The following RTN4RL1 variants were observed in gnomAD, a reference collection of about 807,000 sequenced individuals.
RTN4RL1 encodes the protein reticulon 4 receptor like 1, also known as reticulon-4 receptor-like 1.
A neutral mutation model predicts 25.6 loss-of-function variants in RTN4RL1; 7 were observed. The ratio of observed to expected loss-of-function variants is 0.27; its 90% CI spans 0.16 to 0.51. The LOEUF (loss-of-function observed/expected upper bound fraction) is 0.51. Among genes scored for constraint, RTN4RL1 ranks in the 20% least tolerant of loss-of-function variants. The pLI, the probability that RTN4RL1 is intolerant of heterozygous loss-of-function variation, is 0.97. For synonymous variants in RTN4RL1, 297 were observed against 288.2 expected, an observed-to-expected ratio of 1.03 and a Z score of -0.31; for missense variants, 500 against 615.6, an observed-to-expected ratio of 0.81 and a Z score of 1.99.
At chr17:1,975,950 G>C (rs1016164935) in intron 1 of RTN4RL1, among the ~76,000 whole-genome samples, 8 of 152,286 alleles carry the variant, frequency 5.3e-5, no homozygotes, top group Admixed American at 3.9e-4. Flanking sequence ...CAAATACTTG[G>C]GAGCCGTGAG....
chr17:1,978,254 G>A (rs563482026), intron 1 of RTN4RL1, among the ~76,000 whole-genome samples: 3 of 152,292 alleles, frequency 2.0e-5, no homozygotes, highest in East Asian at 3.9e-4. Flanking sequence ...CAAGAGCCCC[G>A]ACCCGTGCAA....
In RTN4RL1 at chr17:2,025,130, C is replaced by G. The variant is rs901936347; in HGVS notation, c.-265G>C. ...CAGCCCCGGGGCGAGCGGCTTGCTC[C>G]GCGGAGCCGGCGGCCTGCTTCTGCC... On this transcript the variant is annotated 5_prime_UTR_variant, in exon 1 of 2. Transcript: ENST00000331238. This position sits in a 1 kb window ranked among gnomAD's most constrained non-coding sequence, Gnocchi z 4.8. 3 of 328,562 alleles carry G rather than the reference C, an allele frequency of 9.1e-6. No individual in the cohort carries two copies. Among genetic ancestry groups the G allele is most frequent in the Non-Finnish European group, 1.7e-5 (3 of 181,582 alleles). The allele number at this position is 328,562 out of a possible 1,614,324, so 20.4% of individuals were successfully genotyped here.
intron 1 of RTN4RL1, among the ~76,000 whole-genome samples, chr17:2,013,140 T>C (rs1258206757): frequency 6.6e-6 from 1 of 152,128 alleles, no homozygotes; most frequent in Non-Finnish European, 1.5e-5. Flanking sequence ...GGGGTCCTGA[T>C]AGGAAAGAGC....
intron 1 of RTN4RL1, among the ~76,000 whole-genome samples, chr17:1,979,879 G>T (rs888962497): frequency 2.0e-5 from 3 of 152,138 alleles, no homozygotes; most frequent in Non-Finnish European, 4.4e-5. Flanking sequence ...CTCAGACCCG[G>T]AATTGCGTGG....
rs1166018871 is a variant in RTN4RL1 at position 1,937,699 on chromosome 17, C to T, written c.123G>A (p.Gln41=). 6.2e-7 allele frequency: 1 copy of T among 1,613,264 alleles called. No homozygotes were observed. The highest frequency in any genetic ancestry group is 1.7e-5 in the Admixed American group (1 of 59,992). The change falls in exon 2 of 2, where the codon CAG becomes CAA. Residue 41 remains glutamine (Q), a synonymous_variant. Transcript: ENST00000331238. ...CYPAPMTVSC[Q]AHNFAAIPEG... ...CCGGGATGGCTGCAAAGTTGTGCGC[C>T]TGGCAGCTGACCGTCATGGGCGCCG...
chr17:1,986,279 G>A (rs751721352), intron 1 of RTN4RL1, among the ~76,000 whole-genome samples: 11 of 152,092 alleles, frequency 7.2e-5, no homozygotes, highest in Non-Finnish European at 1.5e-4. Flanking sequence ...GATGAAGTAG[G>A]TATTATTATT....
intron 1 of RTN4RL1, chr17:1,995,648 C>G (rs1443701488): frequency 1.3e-5 from 2 of 152,216 alleles, no homozygotes; most frequent in Non-Finnish European, 2.9e-5. Context: ...TGAAGAAATA[C>G]CCCTGGATCA....
At chr17:1,985,060 C>A (rs552857209) in intron 1 of RTN4RL1, among the ~76,000 whole-genome samples, 1 of 152,332 alleles carries the variant, frequency 6.6e-6, no homozygotes. Context: ...ACGCACTGCT[C>A]ATTTCATTCT....
In RTN4RL1 at chr17:1,935,958, G is replaced by A. The variant is rs2151303118; in HGVS notation, c.*538C>T. 2 of 985,778 alleles carry A rather than the reference G, an allele frequency of 2.0e-6. No homozygotes were observed. The highest frequency in any genetic ancestry group is 1.1e-4 in the East Asian group (1 of 8,792). 61.1% of individuals were successfully genotyped at this position (985,778 alleles called of 1,614,324 possible). ...AATGAGAGGCGCTACCCCCGAGGGA[G>A]GGGCTGAAGGTGGAGTAGGATAGAA... is the stretch of plus-strand genomic sequence containing the variant. On this transcript the variant is annotated 3_prime_UTR_variant, in exon 2 of 2. Transcript: ENST00000331238.
rs368074384 is a variant in RTN4RL1, at chr17:1,959,380, T to C, written c.14-21572A>G. Among the ~76,000 whole-genome samples, 6 of 152,238 alleles carry C rather than the reference T, an allele frequency of 3.9e-5. No individual in the cohort carries two copies. The East Asian group carries it at 7.7e-4, about 20-fold the overall frequency. On this transcript the variant is annotated intron_variant, in intron 1 of 1. Transcript: ENST00000331238. ...TTGGCCCTCCCCTCTGGAAACTCTT[T>C]CTTCTCTTCTCTTCAGAGACCTGGC...
At position 1,937,373 on chromosome 17, in the gene RTN4RL1, C is replaced by A. The variant is rs1296650374; in HGVS notation, c.449G>T (p.Ser150Ile). 2 of 1,613,686 alleles carry A rather than the reference C, an allele frequency of 1.2e-6. No homozygotes were observed. Among genetic ancestry groups the A allele is most frequent in the East Asian group, 4.5e-5 (2 of 44,866 alleles). Residue 150 changes from serine (S) to isoleucine (I), a missense_variant, in exon 2 of 2, where the codon AGC becomes ATC. By Grantham distance (142) the Ser-to-Ile change is moderately radical. Coordinates refer to ENST00000331238, the MANE Select transcript of RTN4RL1 (RefSeq NM_178568.4). ...GTCCTGCAGGTAGAGGTACTGCAGG[C>A]TGTGCAGGCCGCCAAAGACGCCGGC... ...LPAGVFGGLH[S>I]LQYLYLQDNH...
chr17:2,019,129 G>C (rs943834867), intron 1 of RTN4RL1: 1 of 152,088 alleles, frequency 6.6e-6, no homozygotes, highest in African/African-American at 2.4e-5. Flanking sequence ...GCCTTGGGGG[G>C]GGCCCTCACG....
Position 1,935,126 on chromosome 17 carries a change from G to A in RTN4RL1, c.*1370C>T. The A allele has an allele frequency of 6.5e-6, 1 of 152,888 alleles. No homozygotes were observed. Among genetic ancestry groups the A allele is most frequent in the Non-Finnish European group, 1.5e-5 (1 of 68,170 alleles). The allele number at this position is 152,888 out of a possible 1,614,324, so 9.5% of individuals were successfully genotyped here. On this transcript the variant is annotated 3_prime_UTR_variant, in exon 2 of 2. Transcript: ENST00000331238. Reference sequence around the variant, plus strand: ...AAAAATTCAGCAGCTGAGCCGTGCGGGAGGCCTGGGCTCAAGCCCGGAGTC... The same window carrying A: ...AAAAATTCAGCAGCTGAGCCGTGCGAGAGGCCTGGGCTCAAGCCCGGAGTC...
At chr17:1,946,172 C>A (rs1440751483) in intron 1 of RTN4RL1, among the ~76,000 whole-genome samples, 1 of 152,222 alleles carries the variant, frequency 6.6e-6, no homozygotes, top group Non-Finnish European at 1.5e-5. Context: ...ATGTGTGGGA[C>A]TTTCAGTGCT....
At chr17:1,991,201 T>C (rs1445261491) in intron 1 of RTN4RL1, among the ~76,000 whole-genome samples, 10 of 152,116 alleles carry the variant, frequency 6.6e-5, no homozygotes, top group Non-Finnish European at 1.5e-5. Context: ...GTTATTTGTA[T>C]TTCAAGGCAA....
Position 1,935,455 on chromosome 17 carries a change from T to G in RTN4RL1, c.*1041A>C. The G allele has an allele frequency of 1.6e-6, 1 of 639,906 alleles. No individual in the cohort carries two copies. Among genetic ancestry groups the G allele is most frequent in the South Asian group, 7.0e-5 (1 of 14,316 alleles). 39.6% of individuals were successfully genotyped at this position (639,906 alleles called of 1,614,324 possible). ...TGCTCTAAATATCTAAGAATATTGG[T>G]CCCCCAAAGTGACTCTTGCTGCCTC... On this transcript the variant is annotated 3_prime_UTR_variant, in exon 2 of 2. Transcript: ENST00000331238.
At chr17:1,976,100 A>C (rs2066841756) in intron 1 of RTN4RL1, among the ~76,000 whole-genome samples, 1 of 152,242 alleles carries the variant, frequency 6.6e-6, no homozygotes, top group Non-Finnish European at 1.5e-5. Flanking sequence ...CTTTCAGGTA[A>C]GAATGAGCCA....
At chr17:1,999,631 C>T (rs2151321827) in intron 1 of RTN4RL1, among the ~76,000 whole-genome samples, 1 of 151,504 alleles carries the variant, frequency 6.6e-6, no homozygotes, top group South Asian at 2.1e-4. Flanking sequence ...TGTCCCTGCA[C>T]ACATGCACAA....
intron 1 of RTN4RL1, among the ~76,000 whole-genome samples, chr17:2,022,072 C>T (rs1409290250): frequency 2.6e-5 from 4 of 151,404 alleles, no homozygotes; most frequent in Admixed American, 2.6e-4. Context: ...CCCAGCACTT[C>T]AGGAGGCCGA....
Sources: gnomAD v4.1 joint callset for allele counts (sites outside exome capture counted in the v4.1 genomes callset) on GRCh38, gnomAD v4.1.1 for gene constraint, Gnocchi (gnomAD v3.1) non-coding constraint, MANE v1.5 for transcripts, NCBI Gene and HGNC (gene_info 2026-07-23, HGNC 2026-07-21) for gene names.